PITPNC1: variants seen among roughly 807,000 people sequenced by gnomAD.
PITPNC1 encodes phosphatidylinositol transfer protein cytoplasmic 1.
A neutral mutation model predicts 44.7 loss-of-function variants in PITPNC1; 18 were observed. The observed-to-expected ratio is 0.40, with a 90% CI of 0.28 to 0.60. PITPNC1 has a LOEUF of 0.60. PITPNC1 is among the 20% of genes least tolerant of loss of function. The pLI is 0.39. For missense variants in PITPNC1, 290 were observed against 418.4 expected, an observed-to-expected ratio of 0.69 and a Z score of 2.68; for synonymous variants, 141 against 149.6, an observed-to-expected ratio of 0.94 and a Z score of 0.42.
chr17:67,591,614 A>G (rs2041392460), intron 5 of PITPNC1, among the ~76,000 whole-genome samples: 1 of 152,188 alleles, frequency 6.6e-6, no homozygotes, highest in African/African-American at 2.4e-5. Context: ...AAGGGTGTTC[A>G]GGGATTTTCT....
At chr17:67,680,556 C>T (rs1399272596) in intron 8 of PITPNC1, among the ~76,000 whole-genome samples, 3 of 150,068 alleles carry the variant, frequency 2.0e-5, no homozygotes, top group Non-Finnish European at 2.9e-5. Context: ...GCTGAGATCG[C>T]ACCATTGCAC....
rs931608824 is a variant in PITPNC1 at position 67,695,614 on chromosome 17, A to G, written c.*2726A>G. The G allele has an allele frequency of 4.6e-5, 5 of 108,142 alleles. No homozygotes were observed. The highest frequency in any genetic ancestry group is 6.8e-5 in the African/African-American group (2 of 29,272). The allele number at this position is 108,142 out of a possible 1,614,324, so 6.7% of individuals were successfully genotyped here. On this transcript the variant is annotated 3_prime_UTR_variant, in exon 9 of 9. Transcript: ENST00000581322. Reference sequence around the variant, plus strand: ...AATTGTATTATACCTGTGTATATATATATATATATATATATATAAATATAA... The same window carrying G: ...AATTGTATTATACCTGTGTATATATGTATATATATATATATATAAATATAA...
chr17:67,577,168 T>C (rs2041160892), intron 4 of PITPNC1, among the ~76,000 whole-genome samples: 1 of 152,070 alleles, frequency 6.6e-6, no homozygotes, highest in African/African-American at 2.4e-5. Context: ...CACCTATAGC[T>C]GTAGTCCCAG....
intron 4 of PITPNC1, among the ~76,000 whole-genome samples, chr17:67,575,831 CTTCCTTCCTTCT>C (rs1212902253): frequency 0.02 from 2,036 of 103,836 alleles, 62 homozygotes; most frequent in East Asian, 0.029. Context: ...TCCTTCCTTC[CTTCCTTCCTTCT>C]TTCTTTCTTT....
chr17:67,503,521 T>C (rs755218665), intron 1 of PITPNC1, among the ~76,000 whole-genome samples: 3 of 152,048 alleles, frequency 2.0e-5, no homozygotes, highest in Non-Finnish European at 4.4e-5. Context: ...ATTTTCTCTG[T>C]AGGGGACAAG....
At chr17:67,540,085 ATTTT>A (rs1172026130) in intron 2 of PITPNC1, among the ~76,000 whole-genome samples, 6 of 149,506 alleles carry the variant, frequency 4.0e-5, no homozygotes, top group African/African-American at 1.5e-4. Context: ...ATTTTATTTT[ATTTT>A]ATTTTATTTT....
intron 1 of PITPNC1, among the ~76,000 whole-genome samples, chr17:67,520,772 T>C (rs553028639): frequency 6.6e-6 from 1 of 152,298 alleles, no homozygotes; most frequent in South Asian, 2.1e-4. Context: ...GTTCTGGCAG[T>C]TCCTGTCTTT....
chr17:67,640,248 G>A (rs1474655891), intron 6 of PITPNC1, among the ~76,000 whole-genome samples: 1 of 152,162 alleles, frequency 6.6e-6, no homozygotes, highest in African/African-American at 2.4e-5. Context: ...GGGGTCCCTG[G>A]TGGGAGCCTC....
intron 8 of PITPNC1, among the ~76,000 whole-genome samples, chr17:67,686,622 A>C (rs962783957): frequency 6.6e-6 from 1 of 152,176 alleles, no homozygotes; most frequent in African/African-American, 2.4e-5. Context: ...AACAGCAATG[A>C]AAGTGTCCTT....
intron 1 of PITPNC1, among the ~76,000 whole-genome samples, chr17:67,479,931 A>G (rs2039680895): frequency 6.6e-6 from 1 of 152,240 alleles, no homozygotes. Context: ...GAGTTGTACA[A>G]GCAACAGATG....
intron 1 of PITPNC1, among the ~76,000 whole-genome samples, chr17:67,428,839 C>CTTTTTTTTTTTT (rs369624053): frequency 1.1e-4 from 13 of 113,164 alleles, no homozygotes; most frequent in Non-Finnish European, 1.7e-4. Context: ...ACTTGTCTTG[C>CTTTTTTTTTTTT]TTTTTTTTTT....
At chr17:67,643,319 G>A (rs575386096) in intron 6 of PITPNC1, among the ~76,000 whole-genome samples, 1 of 152,336 alleles carries the variant, frequency 6.6e-6, no homozygotes, top group African/African-American at 2.4e-5. Flanking sequence ...CCGGGAGGCG[G>A]AGGTGGCAGT....
chr17:67,468,386 G>T (rs1278685473), intron 1 of PITPNC1, among the ~76,000 whole-genome samples: 1 of 149,320 alleles, frequency 6.7e-6, no homozygotes, highest in Admixed American at 6.9e-5. Flanking sequence ...GGAATGAACA[G>T]GTGGCTTTCT....
intron 3 of PITPNC1, among the ~76,000 whole-genome samples, chr17:67,552,618 C>G (rs2040782576): frequency 6.6e-6 from 1 of 151,998 alleles, no homozygotes; most frequent in Non-Finnish European, 1.5e-5. Context: ...CAGTGGCTCA[C>G]TCCTGTAATC....
In PITPNC1 at chr17:67,378,127, G is replaced by GC; in HGVS notation, c.-24dup. The GC allele has an allele frequency of 6.6e-7, 1 of 1,518,274 alleles. No homozygotes were observed. The highest frequency in any genetic ancestry group is 1.2e-5 in the South Asian group (1 of 81,248). The allele number at this position is 1,518,274 out of a possible 1,614,324, so 94.1% of individuals were successfully genotyped here. ...GTCTTGGGGGCGCCCCCCGCTTCCC[G>GC]CCCCGGGGGTCCGCGGCCGGCAGGA... On this transcript the variant is annotated 5_prime_UTR_variant, in exon 1 of 9. Transcript: ENST00000581322.
At chr17:67,555,437 A>G (rs2040823089) in intron 4 of PITPNC1, among the ~76,000 whole-genome samples, 1 of 152,200 alleles carries the variant, frequency 6.6e-6, no homozygotes, top group African/African-American at 2.4e-5. Flanking sequence ...TAAAGCTGTT[A>G]GCACACTGCC....
chr17:67,454,262 A>C (rs1373394596), intron 1 of PITPNC1, among the ~76,000 whole-genome samples: 2 of 151,828 alleles, frequency 1.3e-5, no homozygotes, highest in African/African-American at 2.4e-5. Flanking sequence ...AAAAAAAAAA[A>C]AACAAAACCC....
At chr17:67,497,220 C>T (rs1206170700) in intron 1 of PITPNC1, among the ~76,000 whole-genome samples, 1 of 150,968 alleles carries the variant, frequency 6.6e-6, no homozygotes, top group Non-Finnish European at 1.5e-5. Context: ...TATTATAAAC[C>T]TCCTTTTTTT....
At chr17:67,463,035 T>C (rs2039366453) in intron 1 of PITPNC1, among the ~76,000 whole-genome samples, 1 of 152,254 alleles carries the variant, frequency 6.6e-6, no homozygotes, top group South Asian at 2.1e-4. Context: ...AAAGACTATT[T>C]AGCTTGAGCT....
Sources: gnomAD v4.1 joint callset for allele counts (sites outside exome capture counted in the v4.1 genomes callset) on GRCh38, gnomAD v4.1.1 for gene constraint, MANE v1.5 for transcripts, NCBI Gene and HGNC (gene_info 2026-07-23, HGNC 2026-07-21) for gene names.